The following AOAH variants were observed in gnomAD, a reference collection of about 807,000 sequenced individuals.
AOAH encodes the protein acyloxyacyl hydrolase (neutrophil).
A neutral mutation model predicts 92.2 loss-of-function variants in AOAH; 64 were observed. The ratio of observed to expected loss-of-function variants is 0.69; its 90% CI spans 0.57 to 0.86. AOAH has a LOEUF of 0.86. Ranked by LOEUF, AOAH falls within the 40% of genes least tolerant of loss-of-function variation. The pLI, the probability that AOAH is intolerant of heterozygous loss-of-function variation, is 0.00. For missense variants in AOAH, 656 were observed against 694.6 expected (o/e 0.94, Z 0.62); for synonymous variants, 263 against 254.5 (o/e 1.03, Z -0.32).
chr7:36,558,220 G>T (rs1224638553), intron 13 of AOAH, among the ~76,000 whole-genome samples: 3 of 152,142 alleles, frequency 2.0e-5, no homozygotes, highest in Non-Finnish European at 4.4e-5. Flanking sequence ...ACCCTCAGCT[G>T]CAGGTCTGTT....
chr7:36,625,626 T>G (rs2727825), intron 6 of AOAH, among the ~76,000 whole-genome samples: 2,157 of 152,244 alleles, frequency 0.014, 60 homozygotes, highest in African/African-American at 0.049. Context: ...ACTTGCTGAC[T>G]CCACACATCC....
intron 19 of AOAH, among the ~76,000 whole-genome samples, chr7:36,528,244 G>A (rs1784504805): frequency 6.6e-6 from 1 of 152,338 alleles, no homozygotes; most frequent in East Asian, 1.9e-4. Flanking sequence ...AACTGTTGAT[G>A]GGAATCGCCA....
intron 18 of AOAH, 200 bp from the exon 19 acceptor site, chr7:36,530,714 C>T: frequency 1.9e-6 from 1 of 517,626 alleles, no homozygotes; most frequent in South Asian, 2.7e-5. Context: ...TGTTAATGTT[C>T]ATTAGGAATC....
At chr7:36,710,245 T>A (rs1798676707) in intron 1 of AOAH, among the ~76,000 whole-genome samples, 1 of 152,200 alleles carries the variant, frequency 6.6e-6, no homozygotes, top group Non-Finnish European at 1.5e-5. Context: ...TATTTTGGGG[T>A]AATCAAGATT....
At chr7:36,580,758 G>T (rs548852751) in intron 12 of AOAH, among the ~76,000 whole-genome samples, 2 of 152,300 alleles carry the variant, frequency 1.3e-5, no homozygotes, top group South Asian at 4.1e-4. Context: ...AGCCCTCACT[G>T]CAAGATGAGC....
intron 13 of AOAH, 95 bp downstream of exon 13, chr7:36,576,479 T>G (rs971174523): frequency 2.3e-5 from 17 of 731,630 alleles, no homozygotes; most frequent in Non-Finnish European, 3.3e-5. Flanking sequence ...TATTCTGTGA[T>G]CCTTGTTATC....
intron 12 of AOAH, among the ~76,000 whole-genome samples, chr7:36,592,626 C>T (rs943468641): frequency 6.6e-6 from 1 of 152,176 alleles, no homozygotes; most frequent in Non-Finnish European, 1.5e-5. Context: ...TGAAAACAGA[C>T]CCTACCACTC....
rs138745279 is a variant in AOAH at position 36,580,858 on chromosome 7, G to C, written c.939-4202C>G. On this transcript the variant is annotated intron_variant, in intron 12 of 20. Coordinates refer to ENST00000617537, the MANE Select transcript of AOAH (RefSeq NM_001637.4). The stretch of plus-strand genomic sequence containing the variant: ...AGATTCCCCAGGGAAGGATCTTCTA[G>C]TCTGCAGCCAGGAGAGTACAGGCTG... Among the ~76,000 whole-genome samples, 8 of 152,286 alleles carry C rather than the reference G, an allele frequency of 5.3e-5. No homozygotes were observed. In the East Asian group the frequency reaches 1.5e-3, roughly 29 times the overall value.
intron 13 of AOAH, among the ~76,000 whole-genome samples, chr7:36,549,944 G>A (rs1391662855): frequency 2.6e-5 from 4 of 152,086 alleles, no homozygotes; most frequent in African/African-American, 7.2e-5. Flanking sequence ...CAAGGCTCCC[G>A]CAGGCTGTCT....
chr7:36,724,159 T>C lies in AOAH; in HGVS notation c.-11A>G, dbSNP rs1483548721. The C allele has an allele frequency of 6.8e-6, 11 of 1,612,312 alleles. No individual in the cohort carries two copies. Among genetic ancestry groups the C allele is most frequent in the Non-Finnish European group, 8.5e-6 (10 of 1,178,980 alleles). ...CCAGGGGGACTGCATCTCCGAGCTATGCACCCCAAGTGATCACCCGGCTTT... is the reference window on the plus strand; with the variant it reads ...CCAGGGGGACTGCATCTCCGAGCTACGCACCCCAAGTGATCACCCGGCTTT... On this transcript the variant is annotated 5_prime_UTR_variant, in exon 1 of 21. Transcript: ENST00000617537.
intron 3 of AOAH, among the ~76,000 whole-genome samples, chr7:36,668,849 T>C (rs1393747038): frequency 2.0e-5 from 3 of 152,270 alleles, no homozygotes; most frequent in Admixed American, 2.0e-4. Flanking sequence ...TTCAGCTTTT[T>C]AACCTGCTGT....
At chr7:36,618,217 G>A (rs565934909) in intron 10 of AOAH, 80 bp downstream of exon 10, 106 of 1,239,980 alleles carry the variant, frequency 8.5e-5, no homozygotes, top group Non-Finnish European at 1.3e-4. Flanking sequence ...TCTGACTTAG[G>A]TGGTCTGCTC....
chr7:36,683,822 C>T (rs1796798867), intron 2 of AOAH, among the ~76,000 whole-genome samples: 1 of 152,000 alleles, frequency 6.6e-6, no homozygotes, highest in South Asian at 2.1e-4. Context: ...CTGAAAAGGC[C>T]TAGAAAGAAT....
At chr7:36,641,588 G>A (rs1225171141) in intron 4 of AOAH, among the ~76,000 whole-genome samples, 2 of 152,174 alleles carry the variant, frequency 1.3e-5, no homozygotes, top group African/African-American at 2.4e-5. Context: ...TTGAAAGCTC[G>A]CTACAAGGGT....
intron 1 of AOAH, among the ~76,000 whole-genome samples, chr7:36,697,826 A>G (rs1797812718): frequency 6.6e-6 from 1 of 152,212 alleles, no homozygotes; most frequent in Non-Finnish European, 1.5e-5. Flanking sequence ...AGAAGAGAGA[A>G]CCACACTCAG....
chr7:36,704,504 C>T (rs1261401412), intron 1 of AOAH, among the ~76,000 whole-genome samples: 1 of 152,060 alleles, frequency 6.6e-6, no homozygotes, highest in African/African-American at 2.4e-5. Flanking sequence ...AATTAATAGC[C>T]TAGCAACCCA....
intron 13 of AOAH, among the ~76,000 whole-genome samples, chr7:36,551,076 C>CT (rs11373192): frequency 0.83 from 113,637 of 136,922 alleles, 48,433 homozygotes; most frequent in East Asian, 0.99. Context: ...TCATTTCTTT[C>CT]TTTTTTTTTT....
chr7:36,517,142 C>T (rs1441239615), intron 20 of AOAH, among the ~76,000 whole-genome samples: 5 of 151,076 alleles, frequency 3.3e-5, no homozygotes, highest in African/African-American at 1.2e-4. Context: ...CCTTTCCTCT[C>T]TTTATCCATG....
intron 13 of AOAH, among the ~76,000 whole-genome samples, chr7:36,561,890 T>C (rs914361990): frequency 2.1e-4 from 32 of 152,216 alleles, no homozygotes; most frequent in South Asian, 1.2e-3. Context: ...CACCCCTGGG[T>C]CCCTTTGCCA....
Sources: allele counts gnomAD v4.1 joint callset (sites outside exome capture counted in the v4.1 genomes callset), GRCh38; gene constraint gnomAD v4.1.1; transcripts MANE v1.5; gene names NCBI Gene and HGNC (gene_info 2026-07-23, HGNC 2026-07-21).